The following ZNF438 variants were observed in gnomAD, a reference collection of about 807,000 sequenced individuals.
ZNF438 encodes the protein zinc finger protein 438.
In ZNF438, 25 loss-of-function variants were observed where a neutral mutation model predicts 38.0. That is an observed-to-expected ratio of 0.66 (90% CI 0.48 to 0.92). The LOEUF is 0.92. Ranked by LOEUF, ZNF438 falls within the 40% of genes least tolerant of loss-of-function variation. The pLI is 0.00. For synonymous variants in ZNF438, 372 were observed against 364.1 expected (o/e 1.02, Z -0.25); for missense variants, 1,007 against 999.6 (o/e 1.01, Z -0.10).
rs144221443 is a variant in ZNF438 at position 30,987,961 on chromosome 10, A to G, written c.-192+43872T>C. ...ATGGCGAACTTACTTTTTTACTTAAATAAGTTTATATTATGTACTAGAATA... is the reference window on the plus strand; with the variant it reads ...ATGGCGAACTTACTTTTTTACTTAAGTAAGTTTATATTATGTACTAGAATA... On this transcript the variant is annotated intron_variant, in intron 1 of 5. Transcript: ENST00000413025. 8.5e-5 allele frequency among the ~76,000 whole-genome samples: 13 copies of G among 152,332 alleles called. No homozygotes were observed. In the East Asian group the frequency reaches 2.1e-3, roughly 25 times the overall value.
chr10:30,998,418 C>T (rs552799264), intron 1 of ZNF438, among the ~76,000 whole-genome samples: 73 of 151,622 alleles, frequency 4.8e-4, no homozygotes, highest in Middle Eastern at 3.4e-3. Context: ...TGGCGGGCCC[C>T]TGTAGTCCCA....
chr10:30,989,495 C>T (rs1395043042), intron 1 of ZNF438, among the ~76,000 whole-genome samples: 1 of 152,212 alleles, frequency 6.6e-6, no homozygotes, highest in African/African-American at 2.4e-5. Context: ...TGACCCTTAG[C>T]TTTCAGAGAA....
rs544287884 is a variant in ZNF438, at chr10:30,973,057, T to C, written c.-191-31406A>G. Among the ~76,000 whole-genome samples, 10 of 152,240 alleles carry C rather than the reference T, an allele frequency of 6.6e-5. No homozygotes were observed. The East Asian group carries it at 1.9e-3, about 29-fold the overall frequency. On this transcript the variant is annotated intron_variant, in intron 1 of 5. Transcript: ENST00000413025. ...AGATGCTCAGCTATGGACTCATTAA[T>C]ATAAAGCAGCTATACCTACAAAAAC...
intron 1 of ZNF438, among the ~76,000 whole-genome samples, chr10:30,978,944 G>A (rs763070959): frequency 1.3e-5 from 2 of 152,118 alleles, no homozygotes; most frequent in South Asian, 2.1e-4. Flanking sequence ...ATATGATATC[G>A]TCTTCGAATA....
At chr10:30,969,136 CCA>C (rs564885512) in intron 1 of ZNF438, among the ~76,000 whole-genome samples, 182 of 151,484 alleles carry the variant, frequency 1.2e-3, no homozygotes, top group African/African-American at 4.2e-3. Context: ...AGATGGTTTG[CCA>C]CAGAGTAAGT....
At chr10:30,899,522 T>C (rs576636880) in intron 3 of ZNF438, among the ~76,000 whole-genome samples, 6 of 152,340 alleles carry the variant, frequency 3.9e-5, no homozygotes, top group Non-Finnish European at 7.4e-5. Flanking sequence ...AATGGGATTA[T>C]AATACTATAC....
chr10:30,966,413 G>T (rs1427877385), intron 1 of ZNF438, among the ~76,000 whole-genome samples: 1 of 152,110 alleles, frequency 6.6e-6, no homozygotes, highest in Non-Finnish European at 1.5e-5. Flanking sequence ...GCTCATGCTT[G>T]TAATCCCAGC....
intron 1 of ZNF438, 103 bp from the exon 3 acceptor site, chr10:30,941,754 A>G (rs1399129056): frequency 6.6e-6 from 1 of 152,238 alleles, no homozygotes; most frequent in Non-Finnish European, 1.5e-5. Flanking sequence ...AAAGAGTTCT[A>G]CGAAGTTCTG....
chr10:31,000,789 C>T (rs993575268), intron 1 of ZNF438, among the ~76,000 whole-genome samples: 1 of 150,510 alleles, frequency 6.6e-6, no homozygotes, highest in African/African-American at 2.4e-5. Context: ...AAAAAAAAAA[C>T]TTTTCTTGTG....
intron 1 of ZNF438, among the ~76,000 whole-genome samples, 192 bp from the exon 2 acceptor site, chr10:30,984,618 G>GT (rs2052571748): frequency 6.6e-6 from 1 of 152,032 alleles, no homozygotes; most frequent in Non-Finnish European, 1.5e-5. Context: ...ATGAAAGCAT[G>GT]CAAAATTTAA....
intron 1 of ZNF438, among the ~76,000 whole-genome samples, chr10:31,022,557 G>A (rs2056674051): frequency 6.6e-6 from 1 of 152,152 alleles, no homozygotes; most frequent in Non-Finnish European, 1.5e-5. Flanking sequence ...CACCACACCT[G>A]GCCCACTACA....
chr10:30,852,519 A>AT (rs2033855016), intron 4 of ZNF438, among the ~76,000 whole-genome samples: 1 of 152,146 alleles, frequency 6.6e-6, no homozygotes, highest in Non-Finnish European at 1.5e-5. Flanking sequence ...GTCAACCTTG[A>AT]TTTTAATGCC....
At chr10:30,878,497 A>G (rs1468728316) in intron 3 of ZNF438, among the ~76,000 whole-genome samples, 1 of 151,946 alleles carries the variant, frequency 6.6e-6, no homozygotes, top group African/African-American at 2.4e-5. Context: ...TGCCTCCACC[A>G]TCCTTCAAGT....
intron 1 of ZNF438, among the ~76,000 whole-genome samples, chr10:30,946,925 C>T (rs2135652340): frequency 6.6e-6 from 1 of 152,284 alleles, no homozygotes; most frequent in South Asian, 2.1e-4. Context: ...AAAATATGCA[C>T]ATTTAACCTG....
At chr10:30,942,277 T>C (rs772780006) in intron 1 of ZNF438, among the ~76,000 whole-genome samples, 2 of 152,182 alleles carry the variant, frequency 1.3e-5, no homozygotes. Context: ...ATTCAGTACA[T>C]GGGGCTTTAT....
chr10:30,874,434 G>A (rs1219330402), intron 4 of ZNF438, among the ~76,000 whole-genome samples: 4 of 152,078 alleles, frequency 2.6e-5, no homozygotes, highest in South Asian at 4.2e-4. Context: ...ACAGGTGGGA[G>A]CTGCTGTACC....
chr10:30,852,022 G>C (rs2033729600), intron 4 of ZNF438, among the ~76,000 whole-genome samples: 1 of 151,752 alleles, frequency 6.6e-6, no homozygotes, highest in African/African-American at 2.4e-5. Context: ...AATTAGCCAG[G>C]CATGGTGGCA....
At chr10:30,955,232 T>C (rs2135910858) in intron 1 of ZNF438, among the ~76,000 whole-genome samples, 1 of 152,196 alleles carries the variant, frequency 6.6e-6, no homozygotes, top group South Asian at 2.1e-4. Flanking sequence ...TTCTTGGAGG[T>C]GGGTGAGTAA....
chr10:30,849,035 T>C (rs775908292), exon 5 of ZNF438: 1 of 1,614,164 alleles, frequency 6.2e-7, no homozygotes, highest in Non-Finnish European at 8.5e-7. Context: ...CATCTGGGAC[T>C]GTAGTGTAGT....
Sources: allele counts gnomAD v4.1 joint callset (sites outside exome capture counted in the v4.1 genomes callset), GRCh38; gene constraint gnomAD v4.1.1; transcripts MANE v1.5; gene names NCBI Gene and HGNC (gene_info 2026-07-23, HGNC 2026-07-21).